The following GADL1 variants were observed in gnomAD, a reference collection of about 807,000 sequenced individuals.
GADL1 encodes GAD like acidic amino acid decarboxylase 1, also known as acidic amino acid decarboxylase GADL1.
A neutral mutation model predicts 69.5 loss-of-function variants in GADL1; 71 were observed. The ratio of observed to expected loss-of-function variants is 1.02; its 90% CI spans 0.84 to 1.25. GADL1 has a LOEUF of 1.25. Ranked by LOEUF, GADL1 falls within the 50% of genes most tolerant of loss-of-function variation. The pLI is 0.00. For missense variants in GADL1, 737 were observed against 631.8 expected, an observed-to-expected ratio of 1.17 and a Z score of -1.79; for synonymous variants, 254 against 214.4, an observed-to-expected ratio of 1.18 and a Z score of -1.62.
chr3:30,889,084 T>TAAAAA (rs60227313), intron 1 of GADL1, among the ~76,000 whole-genome samples: 562 of 32,896 alleles, frequency 0.017, 75 homozygotes, highest in Non-Finnish European at 0.024. Flanking sequence ...CGGTAATCTA[T>TAAAAA]AAAAAAAAAA....
At chr3:30,859,081 G>C (rs1023677803) in intron 2 of GADL1, among the ~76,000 whole-genome samples, 1 of 151,998 alleles carries the variant, frequency 6.6e-6, no homozygotes, top group Non-Finnish European at 1.5e-5. Flanking sequence ...GCTTGACTTA[G>C]AGAGGTGGGG....
chr3:30,866,179 C>T (rs1292932755), intron 1 of GADL1, among the ~76,000 whole-genome samples: 4 of 151,946 alleles, frequency 2.6e-5, no homozygotes, highest in Admixed American at 2.6e-4. Flanking sequence ...TAAATGACAC[C>T]AGGCACGGTG....
chr3:30,775,490 C>T (rs1696516555), intron 14 of GADL1, among the ~76,000 whole-genome samples: 1 of 152,202 alleles, frequency 6.6e-6, no homozygotes, highest in Non-Finnish European at 1.5e-5. Context: ...TTGCCAAATT[C>T]ATGCACACTT....
intron 11 of GADL1, among the ~76,000 whole-genome samples, chr3:30,811,814 C>A (rs1246309652): frequency 2.0e-5 from 3 of 151,928 alleles, no homozygotes; most frequent in Admixed American, 1.3e-4. Context: ...TTTTTCCCCC[C>A]AAAATAACAT....
chr3:30,786,537 C>T (rs983908782), intron 12 of GADL1, 131 bp from the exon 13 acceptor site: 1 of 640,024 alleles, frequency 1.6e-6, no homozygotes, highest in Non-Finnish European at 2.8e-6. Context: ...AAGGAACAGG[C>T]AGAGCTATGG....
chr3:30,802,371 C>T (rs1296427118), intron 11 of GADL1, among the ~76,000 whole-genome samples: 3 of 152,336 alleles, frequency 2.0e-5, no homozygotes, highest in South Asian at 2.1e-4. Context: ...AATGATTCCA[C>T]TCTCAATGCC....
intron 14 of GADL1, among the ~76,000 whole-genome samples, chr3:30,770,531 T>C (rs917020554): frequency 6.6e-6 from 1 of 152,158 alleles, no homozygotes; most frequent in Non-Finnish European, 1.5e-5. Flanking sequence ...CTTGGCCTCA[T>C]CTCCCATGAC....
intron 14 of GADL1, among the ~76,000 whole-genome samples, chr3:30,743,803 C>T (rs1559484705): frequency 6.6e-6 from 1 of 152,182 alleles, no homozygotes; most frequent in East Asian, 1.9e-4. Flanking sequence ...CACACAGGGC[C>T]TGCTGTAGGA....
chr3:30,830,014 A>G (rs1697761359), intron 11 of GADL1, among the ~76,000 whole-genome samples: 1 of 151,962 alleles, frequency 6.6e-6, no homozygotes, highest in Admixed American at 6.6e-5. Context: ...AAGCTGTGGC[A>G]TGAAGGATGA....
intron 12 of GADL1, among the ~76,000 whole-genome samples, chr3:30,795,663 C>CGAA (rs1697016812): frequency 6.6e-6 from 1 of 152,060 alleles, no homozygotes; most frequent in Non-Finnish European, 1.5e-5. Flanking sequence ...AGAAAGAAAT[C>CGAA]ATGAAAATAA....
chr3:30,752,433 T>C (rs1395888112), intron 14 of GADL1, among the ~76,000 whole-genome samples: 1 of 148,916 alleles, frequency 6.7e-6, no homozygotes, highest in South Asian at 2.1e-4. Context: ...CAATGGAGTC[T>C]GTGCCGCAGC....
chr3:30,840,896 A>T (rs1559357952), intron 8 of GADL1, among the ~76,000 whole-genome samples: 1 of 152,168 alleles, frequency 6.6e-6, no homozygotes, highest in Non-Finnish European at 1.5e-5. Flanking sequence ...TTCTAACACA[A>T]CTCTAACAAA....
At chr3:30,775,217 A>G (rs1696508295) in intron 14 of GADL1, among the ~76,000 whole-genome samples, 1 of 152,202 alleles carries the variant, frequency 6.6e-6, no homozygotes, top group Non-Finnish European at 1.5e-5. Flanking sequence ...ATTCATTACC[A>G]AATAATCCCT....
chr3:30,834,356 C>A, intron 9 of GADL1, 75 bp from the exon 10 acceptor site: 2 of 1,226,234 alleles, frequency 1.6e-6, no homozygotes, highest in Non-Finnish European at 2.4e-6. Flanking sequence ...TCATAGAAAA[C>A]CCTCAGTGAG....
At chr3:30,872,069 G>A (rs1698499763) in intron 1 of GADL1, among the ~76,000 whole-genome samples, 1 of 151,858 alleles carries the variant, frequency 6.6e-6, no homozygotes, top group African/African-American at 2.4e-5. Flanking sequence ...ATATTAATAA[G>A]GCAGCTCTCC....
rs775725845 is a variant in GADL1 at position 30,786,409 on chromosome 3, A to G, written c.1251-3T>C. 2 of 1,412,088 alleles carry G rather than the reference A, an allele frequency of 1.4e-6. No homozygotes were observed. Among genetic ancestry groups the G allele is most frequent in the Non-Finnish European group, 2.0e-6 (2 of 999,214 alleles). The allele number at this position is 1,412,088 out of a possible 1,614,324, so 87.5% of individuals were successfully genotyped here. A position where few individuals can be genotyped will look rare whatever the true frequency, so the allele number is the denominator to read the frequency against. ...TCTTGATTTCATCTACTAGGTACCTAAAATTAAAAGTCACAATAATATTTA... is the reference window on the plus strand; with the variant it reads ...TCTTGATTTCATCTACTAGGTACCTGAAATTAAAAGTCACAATAATATTTA... On this transcript the variant is annotated splice_polypyrimidine_tract_variant and splice_region_variant and intron_variant, in intron 12 of 14. Transcript: ENST00000282538.
intron 13 of GADL1, among the ~76,000 whole-genome samples, chr3:30,784,527 T>C (rs1244788189): frequency 1.3e-5 from 2 of 152,208 alleles, no homozygotes; most frequent in Admixed American, 1.3e-4. Context: ...TTTGGAAGCT[T>C]AGAACTTTCT....
chr3:30,759,800 T>C (rs980044611), intron 14 of GADL1, among the ~76,000 whole-genome samples: 1 of 152,198 alleles, frequency 6.6e-6, no homozygotes, highest in African/African-American at 2.4e-5. Context: ...TAGCATAGTC[T>C]CCAATATCTT....
Position 30,871,246 on chromosome 3 carries a change from T to C in GADL1, c.38-9481A>G, listed in dbSNP as rs556603449. 1.2e-3 allele frequency among the ~76,000 whole-genome samples: 175 copies of C among 151,694 alleles called. 5 individuals are homozygous for C. Among genetic ancestry groups the C allele is most frequent in the African/African-American group, 4.0e-3 (165 of 41,308 alleles). ...GGCAATAGGAGGCCACTGAAAGCTG[T>C]TGATGGGATAAGAAGACTGCCTTAG... is the stretch of plus-strand genomic sequence containing the variant. On this transcript the variant is annotated intron_variant, in intron 1 of 14. Coordinates refer to ENST00000282538, the MANE Select transcript of GADL1 (RefSeq NM_207359.3).
Sources: allele counts gnomAD v4.1 joint callset (sites outside exome capture counted in the v4.1 genomes callset), GRCh38; gene constraint gnomAD v4.1.1; transcripts MANE v1.5; gene names NCBI Gene and HGNC (gene_info 2026-07-23, HGNC 2026-07-21).